Variants in KIF21A observed in about 807,000 individuals in gnomAD.
The protein encoded by KIF21A is kinesin-like protein KIF21A.
Under a neutral mutation model 202.9 loss-of-function variants are expected in KIF21A, and 114 were observed. That is an observed-to-expected ratio of 0.56 (90% confidence interval 0.48 to 0.66). The LOEUF is 0.66. KIF21A is among the 30% of genes least tolerant of loss of function. The probability of loss-of-function intolerance (pLI) is 0.00; values close to 1 mark genes in which losing one functional copy is unlikely to be tolerated. For synonymous variants in KIF21A, 667 were observed against 670.8 expected (o/e 0.99, Z 0.09); for missense variants, 1,677 against 1,994.9 (o/e 0.84, Z 3.04).
chr12:39,308,786 G>A (rs1172354252), intron 33 of KIF21A, among the ~76,000 whole-genome samples: 4 of 151,776 alleles, frequency 2.6e-5, no homozygotes, highest in African/African-American at 7.3e-5. Context: ...CTTAATACAC[G>A]ATATAATAGT....
Position 39,443,061 on chromosome 12 carries a change from G to C in KIF21A, c.-91C>G. 7.7e-7 allele frequency: 1 copy of C among 1,290,552 alleles called. No homozygotes were observed. The highest frequency in any genetic ancestry group is 3.6e-5 in the Admixed American group (1 of 27,906). The allele number at this position is 1,290,552 out of a possible 1,614,324, so 79.9% of individuals were successfully genotyped here. A position where few individuals can be genotyped will look rare whatever the true frequency, so the allele number is the denominator to read the frequency against. ...CGCGGGACTCGGGCGCAGTAGGCTG[G>C]GGCGTCTGCGGGCGGGCGGCCGGCT... On this transcript the variant is annotated 5_prime_UTR_variant, in exon 1 of 38. Transcript: ENST00000361418.
chr12:39,377,406 G>T (rs2139345822), intron 1 of KIF21A, among the ~76,000 whole-genome samples: 1 of 152,172 alleles, frequency 6.6e-6, no homozygotes, highest in South Asian at 2.1e-4. Flanking sequence ...TGAGCCACTG[G>T]GGTTTCTGGT....
intron 1 of KIF21A, among the ~76,000 whole-genome samples, chr12:39,413,109 G>T (rs998301874): frequency 2.6e-5 from 4 of 152,042 alleles, no homozygotes; most frequent in African/African-American, 9.7e-5. Flanking sequence ...TTTTAGGAAT[G>T]CCTCCTCTAT....
At chr12:39,313,118 G>A (rs1365759153) in intron 31 of KIF21A, among the ~76,000 whole-genome samples, 1 of 151,814 alleles carries the variant, frequency 6.6e-6, no homozygotes, top group East Asian at 1.9e-4. Context: ...ATAAATTCAA[G>A]TATTTCTGTT....
At chr12:39,325,479 C>T (rs1256444296) in intron 26 of KIF21A, among the ~76,000 whole-genome samples, 1 of 150,676 alleles carries the variant, frequency 6.6e-6, no homozygotes, top group Non-Finnish European at 1.5e-5. Context: ...CTACAGGCAC[C>T]TACCACCACG....
chr12:39,430,514 C>T (rs1937721601), intron 1 of KIF21A, among the ~76,000 whole-genome samples: 2 of 150,136 alleles, frequency 1.3e-5, no homozygotes, highest in South Asian at 4.2e-4. Context: ...TGCAGTGAGC[C>T]AAGATGGCGC....
At chr12:39,323,678 T>G (rs10876868) in intron 26 of KIF21A, among the ~76,000 whole-genome samples, 44,900 of 152,168 alleles carry the variant, frequency 0.3, 8,368 homozygotes, top group African/African-American at 0.53. Flanking sequence ...TAATCAAGTG[T>G]TTTACCAGAT....
At chr12:39,380,787 A>C (rs1210081914) in intron 1 of KIF21A, among the ~76,000 whole-genome samples, 1 of 152,188 alleles carries the variant, frequency 6.6e-6, no homozygotes, top group African/African-American at 2.4e-5. Context: ...GGAGGAGTAA[A>C]AGGGAAAATG....
In KIF21A at chr12:39,358,206, AGTC is replaced by A; in HGVS notation, c.1184_1186del (p.Arg395del). ...TTTGTACTCCATGAGCTCCATCTGA[AGTC>A]GTGTGATTTCACTACGAAGTGCATT... On this transcript the variant is annotated inframe_deletion, in exon 8 of 38. Coordinates refer to ENST00000361418, the MANE Select transcript of KIF21A (RefSeq NM_001173464.2). 1 of 1,614,014 alleles carries A rather than the reference AGTC, an allele frequency of 6.2e-7. No homozygotes were observed. Among genetic ancestry groups the A allele is most frequent in the Admixed American group, 1.7e-5 (1 of 59,994 alleles).
chr12:39,336,203 C>G (rs1019109669), intron 17 of KIF21A, among the ~76,000 whole-genome samples: 2 of 151,860 alleles, frequency 1.3e-5, no homozygotes, highest in African/African-American at 2.4e-5. Context: ...GGATTACAAG[C>G]ATGAGCCACT....
chr12:39,353,273 C>T (rs553567598), intron 10 of KIF21A, among the ~76,000 whole-genome samples: 53 of 152,240 alleles, frequency 3.5e-4, no homozygotes, highest in Non-Finnish European at 6.0e-4. Flanking sequence ...GATCCTCCCA[C>T]CTCAGCCTCC....
intron 2 of KIF21A, 61 bp downstream of exon 2, chr12:39,369,978 G>A (rs878971489): frequency 3.9e-5 from 62 of 1,589,292 alleles, no homozygotes; most frequent in South Asian, 3.3e-4. Flanking sequence ...AAAAATGAAA[G>A]CGCAACTGAA....
chr12:39,421,528 A>G (rs1421660344), intron 1 of KIF21A, among the ~76,000 whole-genome samples: 1 of 151,710 alleles, frequency 6.6e-6, no homozygotes, highest in Non-Finnish European at 1.5e-5. Flanking sequence ...CCCTTTCTCT[A>G]CTAAAAATAC....
At chr12:39,303,406 C>T in intron 35 of KIF21A, among the ~76,000 whole-genome samples, 1 of 152,142 alleles carries the variant, frequency 6.6e-6, no homozygotes, top group East Asian at 1.9e-4. Flanking sequence ...TCAAGCGATC[C>T]TCTTACCTCA....
intron 37 of KIF21A, among the ~76,000 whole-genome samples, chr12:39,296,287 T>A (rs1273777804): frequency 6.9e-6 from 1 of 145,580 alleles, no homozygotes; most frequent in Admixed American, 6.9e-5. Context: ...GCCAGGATGG[T>A]CCCGATCTCC....
At chr12:39,307,235 AG>A (rs1163699722) in intron 34 of KIF21A, among the ~76,000 whole-genome samples, 2 of 152,178 alleles carry the variant, frequency 1.3e-5, no homozygotes, top group Non-Finnish European at 2.9e-5. Context: ...CTCTATCAAG[AG>A]TGCTGGTGAA....
At chr12:39,332,007 A>C in intron 21 of KIF21A, 2 of 660,240 alleles carry the variant, frequency 3.0e-6, no homozygotes, top group South Asian at 3.7e-5. Context: ...AAGATGACCC[A>C]TGTGTTATAT....
chr12:39,417,151 C>T (rs952016193), intron 1 of KIF21A, among the ~76,000 whole-genome samples: 2 of 150,956 alleles, frequency 1.3e-5, no homozygotes, highest in African/African-American at 4.9e-5. Context: ...GATTTGGCTA[C>T]AACAAGGGGT....
chr12:39,349,445 C>T (rs1948184058), intron 11 of KIF21A, among the ~76,000 whole-genome samples: 1 of 152,016 alleles, frequency 6.6e-6, no homozygotes, highest in African/African-American at 2.4e-5. Flanking sequence ...AAACATGAAG[C>T]ATGGAATGTA....
Sources: allele counts gnomAD v4.1 joint callset (sites outside exome capture counted in the v4.1 genomes callset), GRCh38; gene constraint gnomAD v4.1.1; transcripts MANE v1.5; gene names NCBI Gene and HGNC (gene_info 2026-07-23, HGNC 2026-07-21).